CRAT: variants seen among roughly 807,000 people sequenced by gnomAD.
CRAT encodes the protein carnitine O-acetyltransferase.
CRAT carries 66 observed loss-of-function variants against 73.7 expected under a neutral mutation model. That is an observed-to-expected ratio of 0.90 (90% CI 0.73 to 1.10). The LOEUF is 1.10. Ranked by LOEUF, CRAT falls within the 50% of genes least tolerant of loss-of-function variation. CRAT has a pLI of 0.00. For missense variants in CRAT, 745 were observed against 846.9 expected (o/e 0.88, Z 1.49); for synonymous variants, 321 against 343.2 (o/e 0.94, Z 0.71).
At position 129,098,357 on chromosome 9, in the gene CRAT, A is replaced by C; in HGVS notation, c.1220T>G (p.Leu407Arg). The C allele has an allele frequency of 6.2e-7, 1 of 1,613,880 alleles. No individual in the cohort carries two copies. Among genetic ancestry groups the C allele is most frequent in the Non-Finnish European group, 8.5e-7 (1 of 1,180,016 alleles). ...KQNLSIMIQD[L>R]DITVMVFHHF... ...GTGGAACACCATCACGGTGATATCC[A>C]GGTCCTGGATCATGCTGGGGGTGTG... The change falls in exon 10 of 14, where the codon CTG becomes CGG. Residue 407 changes from leucine to arginine, a missense_variant. Coordinates refer to ENST00000318080, the MANE Select transcript of CRAT (RefSeq NM_000755.5).
chr9:129,100,630 C>G lies in CRAT; in HGVS notation c.865G>C (p.Asp289His), dbSNP rs1588448736. The change falls in exon 7 of 14, where the codon GAT becomes CAT. Residue 289 changes from aspartate to histidine, a missense_variant. By Grantham distance (81) the Asp-to-His change is moderately conservative. Transcript: ENST00000318080. The stretch of plus-strand genomic sequence containing the variant: ...TCTGAGACCCTGGGCATGGTTGCAT[C>G]TAGGCACACGGTGAAGATGCTCTTC... ...IQKSIFTVCLDATMPRVSEDV... is the reference protein window; with the variant it reads ...IQKSIFTVCLHATMPRVSEDV... 1 of 1,613,950 alleles carries G rather than the reference C, an allele frequency of 6.2e-7. No homozygotes were observed. Among genetic ancestry groups the G allele is most frequent in the African/African-American group, 1.3e-5 (1 of 74,934 alleles).
rs764248820 is a variant in CRAT, at chr9:129,099,941, C to G, written c.1010G>C (p.Cys337Ser). 5 of 1,613,478 alleles carry G rather than the reference C, an allele frequency of 3.1e-6. No homozygotes were observed. The highest frequency in any genetic ancestry group is 4.2e-6 in the Non-Finnish European group (5 of 1,179,974). The change falls in exon 8 of 14, where the codon TGT (cysteine) becomes TCT (serine). Residue 337 changes from cysteine (C) to serine (S), a missense_variant. Physicochemically the swap from Cys to Ser is moderately radical, Grantham distance 112. Coordinates refer to ENST00000318080, the MANE Select transcript of CRAT (RefSeq NM_000755.5). ...TGCAGCATGCTCGTACACAAGCCCA[C>G]AGGAGCCATCTTCTGCCACGATGAA... ...LQFIVAEDGS[C>S]GLVYEHAAAE... is the part of the protein sequence containing the mutation.
chr9:129,103,159 C>G lies in CRAT; in HGVS notation c.411-93G>C, dbSNP rs1847796792. On this transcript the variant is annotated intron_variant, in intron 3 of 13. Coordinates refer to ENST00000318080, the MANE Select transcript of CRAT (RefSeq NM_000755.5). This position sits in a 1 kb window ranked among gnomAD's most constrained non-coding sequence, Gnocchi z 4.6. The stretch of plus-strand genomic sequence containing the variant: ...CTGCTTGGGGAGCGGGAGGTCTAGT[C>G]TTCCAGCCTCTCTCACCGCTTCCAG... 1 of 1,063,850 alleles carries G rather than the reference C, an allele frequency of 9.4e-7. No homozygotes were observed. Among genetic ancestry groups the G allele is most frequent in the East Asian group, 2.4e-5 (1 of 42,104 alleles). 65.9% of individuals were successfully genotyped at this position (1,063,850 alleles called of 1,614,324 possible).
rs370397344 is a variant in CRAT at position 129,104,208 on chromosome 9, C to T, written c.390G>A (p.Val130=). The T allele has an allele frequency of 1.2e-6, 2 of 1,610,364 alleles. No individual in the cohort carries two copies. The highest frequency in any genetic ancestry group is 1.7e-6 in the Non-Finnish European group (2 of 1,178,564). ...PGVMLPKQDF[V]DLQGQLRFAA... Reference sequence around the variant, plus strand: ...CTCACCGGAGCTGACCCTGCAGGTCCACGAAGTCCTGCTTGGGTAGCATCA... The same window carrying T: ...CTCACCGGAGCTGACCCTGCAGGTCTACGAAGTCCTGCTTGGGTAGCATCA... The change falls in exon 3 of 14, where the codon GTG becomes GTA. Residue 130 remains valine (V), a synonymous_variant. Transcript: ENST00000318080.
At position 129,099,839 on chromosome 9, in the gene CRAT, C is replaced by A. The variant is rs201772643; in HGVS notation, c.1085+27G>T. On this transcript the variant is annotated intron_variant, in intron 8 of 13. Transcript: ENST00000318080. ...TCACCTGTCACTAGAAGCTGGGGAA[C>A]TAGGCGAGAGATGTGACTGTACTCA... 7.1e-6 allele frequency: 11 copies of A among 1,552,248 alleles called. No homozygotes were observed. In the African/African-American group the frequency reaches 1.5e-4, roughly 21 times the overall value.
At chr9:129,097,702 CTT>C (rs1448524117) in intron 11 of CRAT, among the ~76,000 whole-genome samples, 1 of 91,150 alleles carries the variant, frequency 1.1e-5, no homozygotes, top group East Asian at 3.0e-4. Flanking sequence ...GAGTGAGACT[CTT>C]TCTAAAAAAA....
At chr9:129,100,711 G>C (rs1382455809) in intron 6 of CRAT, 22 bp from the exon 7 acceptor site, 1 of 1,606,418 alleles carries the variant, frequency 6.2e-7, no homozygotes, top group Non-Finnish European at 8.5e-7. Context: ...ATGGGGCGGG[G>C]AGACGCAAAA....
intron 8 of CRAT, among the ~76,000 whole-genome samples, chr9:129,099,110 G>A (rs1847490266): frequency 6.6e-6 from 1 of 150,586 alleles, no homozygotes; most frequent in Non-Finnish European, 1.5e-5. Context: ...GAGTAGCTGG[G>A]ATTACAGGCA....
chr9:129,104,689 C>T (rs1457601881), intron 2 of CRAT, among the ~76,000 whole-genome samples: 2 of 151,834 alleles, frequency 1.3e-5, no homozygotes, highest in Non-Finnish European at 2.9e-5. Context: ...ACTGCAAGCT[C>T]CGCCTCCTGG....
intron 1 of CRAT, chr9:129,108,573 G>T: frequency 9.2e-7 from 1 of 1,088,440 alleles, no homozygotes; most frequent in Non-Finnish European, 1.2e-6. Context: ...GCTTCCTCCT[G>T]CCTTTGAGAT....
rs1847799930 is a variant in CRAT at position 129,103,208 on chromosome 9, G to A, written c.411-142C>T. On this transcript the variant is annotated intron_variant, in intron 3 of 13. Coordinates refer to ENST00000318080, the MANE Select transcript of CRAT (RefSeq NM_000755.5). This position sits in a 1 kb window ranked among gnomAD's most constrained non-coding sequence, Gnocchi z 4.6. The stretch of plus-strand genomic sequence containing the variant: ...AGAAAGCCTGGGAGCGCAAGGGAGG[G>A]GCCTGCGAGTCCCAGCTTGCCAGCC... The A allele has an allele frequency of 1.4e-6, 1 of 740,254 alleles. No homozygotes were observed. Among genetic ancestry groups the A allele is most frequent in the Admixed American group, 2.0e-5 (1 of 50,384 alleles). The allele number at this position is 740,254 out of a possible 1,614,324, so 45.9% of individuals were successfully genotyped here. A position where few individuals can be genotyped will look rare whatever the true frequency, so the allele number is the denominator to read the frequency against.
chr9:129,110,363 C>T lies in CRAT; in HGVS notation c.27+120G>A. The T allele has an allele frequency of 9.4e-7, 1 of 1,065,338 alleles. No individual in the cohort carries two copies. Among genetic ancestry groups the T allele is most frequent in the Non-Finnish European group, 1.3e-6 (1 of 777,524 alleles). The allele number at this position is 1,065,338 out of a possible 1,614,324, so 66.0% of individuals were successfully genotyped here. On this transcript the variant is annotated intron_variant, in intron 1 of 13. Coordinates refer to ENST00000318080, the MANE Select transcript of CRAT (RefSeq NM_000755.5). This position sits in a 1 kb window ranked among gnomAD's most constrained non-coding sequence, Gnocchi z 5.3. ...ACCTGGGACGCCCGCCTGACCCCACCCCATCAGCTGGAGGCCGGGTCGAAC... is the reference window on the plus strand; with the variant it reads ...ACCTGGGACGCCCGCCTGACCCCACTCCATCAGCTGGAGGCCGGGTCGAAC...
chr9:129,110,676 T>C lies in CRAT; in HGVS notation c.-167A>G, dbSNP rs1302246733. ...TAGAGGCAGCCCCGCGCCCACCCTCTGGGCCGAGCGGGCTGCGGGAAGGCA... is the reference window on the plus strand; with the variant it reads ...TAGAGGCAGCCCCGCGCCCACCCTCCGGGCCGAGCGGGCTGCGGGAAGGCA... On this transcript the variant is annotated 5_prime_UTR_variant, in exon 1 of 14. Coordinates refer to ENST00000318080, the MANE Select transcript of CRAT (RefSeq NM_000755.5). This position sits in a 1 kb window ranked among gnomAD's most constrained non-coding sequence, Gnocchi z 5.3. The C allele has an allele frequency of 2.5e-5, 22 of 875,178 alleles. No homozygotes were observed. Among genetic ancestry groups the C allele is most frequent in the Non-Finnish European group, 3.1e-5 (19 of 618,746 alleles). 54.2% of individuals were successfully genotyped at this position (875,178 alleles called of 1,614,324 possible).
rs1005607412 is a variant in CRAT at position 129,106,518 on chromosome 9, G to A, written c.291+1296C>T. 2.6e-5 allele frequency among the ~76,000 whole-genome samples: 4 copies of A among 152,156 alleles called. No individual in the cohort carries two copies. Among genetic ancestry groups the A allele is most frequent in the African/African-American group, 7.2e-5 (3 of 41,430 alleles). On this transcript the variant is annotated intron_variant, in intron 2 of 13. Coordinates refer to ENST00000318080, the MANE Select transcript of CRAT (RefSeq NM_000755.5). The surrounding 1 kb of genome is among the most constrained non-coding windows in gnomAD (Gnocchi z 4.0). ...CCTTCGGTGGCCCCGTGAGTGGAAG[G>A]AGGGGTGCCCCCACCCCTTTAACCA... is the stretch of plus-strand genomic sequence containing the variant.
intron 2 of CRAT, among the ~76,000 whole-genome samples, chr9:129,104,962 A>T (rs1195301203): frequency 1.7e-4 from 19 of 112,568 alleles, no homozygotes; most frequent in Non-Finnish European, 3.0e-4. Flanking sequence ...GTGCAGTGGC[A>T]TGATCTCGGC....
At position 129,110,703 on chromosome 9, in the gene CRAT, C is replaced by G; in HGVS notation, c.-194G>C. On this transcript the variant is annotated 5_prime_UTR_variant, in exon 1 of 14. Transcript: ENST00000318080. This position sits in a 1 kb window ranked among gnomAD's most constrained non-coding sequence, Gnocchi z 5.3. ...GGCCGAGCGGGCTGCGGGAAGGCAC[C>G]CGGGGAGGAGGACTCGCGAGGCGGG... is the stretch of plus-strand genomic sequence containing the variant. 1 of 677,656 alleles carries G rather than the reference C, an allele frequency of 1.5e-6. No individual in the cohort carries two copies. The allele number at this position is 677,656 out of a possible 1,614,324, so 42.0% of individuals were successfully genotyped here.
chr9:129,095,189 G>A lies in CRAT; in HGVS notation c.*208C>T, dbSNP rs781091098. On this transcript the variant is annotated 3_prime_UTR_variant, in exon 14 of 14. Transcript: ENST00000318080. The stretch of plus-strand genomic sequence containing the variant: ...CAGCCTCTGCACTCAGCCCCAGGTC[G>A]GGCCCTGGCAGGTGCTGGGATGACC... 5 of 610,762 alleles carry A rather than the reference G, an allele frequency of 8.2e-6. No homozygotes were observed. The highest frequency in any genetic ancestry group is 2.0e-5 in the South Asian group (1 of 49,790). 37.8% of individuals were successfully genotyped at this position (610,762 alleles called of 1,614,324 possible). A position where few individuals can be genotyped will look rare whatever the true frequency, so the allele number is the denominator to read the frequency against.
At chr9:129,109,311 C>T (rs1325909106) in intron 1 of CRAT, 1 of 1,296,326 alleles carries the variant, frequency 7.7e-7, no homozygotes, top group South Asian at 1.2e-5. Flanking sequence ...GAGCAGACAC[C>T]AGGAAAAGGC....
intron 8 of CRAT, among the ~76,000 whole-genome samples, chr9:129,099,368 A>C (rs1588445951): frequency 2.0e-5 from 3 of 150,130 alleles, no homozygotes; most frequent in East Asian, 4.0e-4. Flanking sequence ...TCCTGACCTC[A>C]GGTGATCCGC....
Sources: gnomAD v4.1 joint callset for allele counts (sites outside exome capture counted in the v4.1 genomes callset) on GRCh38, gnomAD v4.1.1 for gene constraint, Gnocchi (gnomAD v3.1) non-coding constraint, MANE v1.5 for transcripts, NCBI Gene and HGNC (gene_info 2026-07-23, HGNC 2026-07-21) for gene names.